Variants in ZNF182 observed in about 807,000 individuals in gnomAD.
ZNF182 encodes the protein zinc finger protein 182, also known as zinc finger protein 21 (KOX 14).
Under a neutral mutation model 28.1 loss-of-function variants are expected in ZNF182, and 10 were observed. The observed-to-expected ratio is 0.36, with a 90% CI of 0.22 to 0.60. The LOEUF (loss-of-function observed/expected upper bound fraction) is 0.60, where lower values mean the gene tolerates loss of function less well. Ranked by LOEUF, ZNF182 falls within the 20% of genes least tolerant of loss-of-function variation. The pLI, the probability that ZNF182 is intolerant of heterozygous loss-of-function variation, is 0.75. For synonymous variants in ZNF182, 156 were observed against 158.7 expected (o/e 0.98, Z 0.13); for missense variants, 352 against 453.2 (o/e 0.78, Z 2.03).
chrX:47,977,134 T>A lies in ZNF182; in HGVS notation c.896A>T (p.Tyr299Phe), dbSNP rs782535951. The A allele has an allele frequency of 3.3e-6, 4 of 1,208,698 alleles. No individual in the cohort carries two copies. In the African/African-American group the frequency reaches 7.0e-5, roughly 21 times the overall value. The change falls in exon 6 of 6, where the codon TAT (tyrosine) becomes TTT (phenylalanine). Residue 299 changes from tyrosine (Y) to phenylalanine (F), a missense_variant. By Grantham distance (22) the Tyr-to-Phe change is conservative (BLOSUM62 3). Coordinates refer to ENST00000376943, the MANE Select transcript of ZNF182 (RefSeq NM_001007088.2). ...HYRTHTGEKP[Y>F]ECNECGKAFT... ...GGCTTTTCCACATTCATTACATTCA[T>A]AAGGTTTTTCTCCTGTGTGAGTCCT...
chrX:47,982,610 C>T (rs1556899259), intron 5 of ZNF182, among the ~76,000 whole-genome samples: 1 of 111,849 alleles, frequency 8.9e-6, no homozygotes, highest in African/African-American at 3.3e-5. Flanking sequence ...AGGCCTGTGA[C>T]TAACGTGGGC....
intron 3 of ZNF182, among the ~76,000 whole-genome samples, chrX:47,993,043 G>C (rs1455470028): frequency 1.8e-5 from 2 of 113,052 alleles, no homozygotes; most frequent in Non-Finnish European, 3.7e-5. Flanking sequence ...TTAAAGCCAA[G>C]CACATTATTA....
intron 3 of ZNF182, chrX:47,988,452 C>T: frequency 2.6e-6 from 1 of 382,234 alleles, no homozygotes; most frequent in South Asian, 6.1e-5. Flanking sequence ...TTTGTTCAGA[C>T]GAGATCCGGT....
chrX:47,977,247 G>A lies in ZNF182; in HGVS notation c.783C>T (p.His261=), dbSNP rs1343120270. 2 of 1,210,168 alleles carry A rather than the reference G, an allele frequency of 1.7e-6. No individual in the cohort carries two copies. Among genetic ancestry groups the A allele is most frequent in the Non-Finnish European group, 1.1e-6 (1 of 895,069 alleles). The change falls in exon 6 of 6, where the codon CAC becomes CAT. Residue 261 remains histidine, a synonymous_variant. Transcript: ENST00000376943. ...AFSQKSQLII[H]LRTHTGERPF... Reference sequence around the variant, plus strand: ...GTCTCTCTCCTGTATGAGTTCGCAAGTGTATAATGAGCTGAGATTTTTGGC... The same window carrying A: ...GTCTCTCTCCTGTATGAGTTCGCAAATGTATAATGAGCTGAGATTTTTGGC...
At chrX:47,993,681 A>C (rs2146469809) in intron 3 of ZNF182, among the ~76,000 whole-genome samples, 1 of 112,514 alleles carries the variant, frequency 8.9e-6, no homozygotes, top group Admixed American at 9.4e-5. Flanking sequence ...AAGAAACAGA[A>C]GTTATAAAAC....
intron 3 of ZNF182, 74 bp from the exon 4 acceptor site, chrX:47,983,485 G>A: frequency 9.4e-7 from 1 of 1,066,819 alleles, no homozygotes; most frequent in Non-Finnish European, 1.3e-6. Context: ...GGGAACTTCT[G>A]ATTGGGTTCC....
intron 5 of ZNF182, among the ~76,000 whole-genome samples, chrX:47,978,614 T>G (rs782466893): frequency 3.6e-5 from 4 of 112,607 alleles, no homozygotes; most frequent in East Asian, 5.6e-4. Flanking sequence ...CTACCTTCTC[T>G]GCTCCTGCCT....
intron 2 of ZNF182, among the ~76,000 whole-genome samples, chrX:48,002,869 T>C (rs2058983203): frequency 8.9e-6 from 1 of 112,506 alleles, no homozygotes; most frequent in African/African-American, 3.2e-5. Context: ...TATTAAATTG[T>C]GTACTGACCC....
intron 3 of ZNF182, among the ~76,000 whole-genome samples, chrX:47,995,963 A>G (rs1268680691): frequency 8.9e-6 from 1 of 112,589 alleles, no homozygotes; most frequent in Non-Finnish European, 1.9e-5. Context: ...AGGAAAACCA[A>G]GACTATGTTG....
chrX:47,991,994 C>G (rs2058943511), intron 3 of ZNF182, among the ~76,000 whole-genome samples: 1 of 111,742 alleles, frequency 8.9e-6, no homozygotes, highest in African/African-American at 3.3e-5. Context: ...GAGCCTGAGA[C>G]TTCCTTCCCC....
chrX:47,977,372 A>G lies in ZNF182; in HGVS notation c.658T>C (p.Cys220Arg). Residue 220 changes from cysteine (C) to arginine (R), a missense_variant, in exon 6 of 6, where the codon TGT (cysteine) becomes CGT (arginine). Cys to Arg is a radical substitution (Grantham distance 180). Coordinates refer to ENST00000376943, the MANE Select transcript of ZNF182 (RefSeq NM_001007088.2). ...GACTTCTTGCTGAAGGTTTTCCTACATGCAGTACATTCAAAGGGTTTCTCT... is the reference window on the plus strand; with the variant it reads ...GACTTCTTGCTGAAGGTTTTCCTACGTGCAGTACATTCAAAGGGTTTCTCT... ...NGEKPFECTA[C>R]RKTFSKKSHL... 3 of 1,207,632 alleles carry G rather than the reference A, an allele frequency of 2.5e-6. No homozygotes were observed. Among genetic ancestry groups the G allele is most frequent in the Non-Finnish European group, 3.4e-6 (3 of 894,057 alleles).
chrX:47,998,732 G>A (rs940999838), intron 3 of ZNF182, among the ~76,000 whole-genome samples: 2 of 110,359 alleles, frequency 1.8e-5, no homozygotes, highest in South Asian at 3.8e-4. Flanking sequence ...GGTGGCGGGC[G>A]CCTGTAATCC....
chrX:47,986,800 T>C (rs1556899858), intron 3 of ZNF182, among the ~76,000 whole-genome samples: 1 of 112,030 alleles, frequency 8.9e-6, no homozygotes, highest in Non-Finnish European at 1.9e-5. Context: ...TAGGAGGAGC[T>C]GGCTTTCTGA....
intron 3 of ZNF182, among the ~76,000 whole-genome samples, chrX:47,988,009 C>T (rs926094844): frequency 9.0e-6 from 1 of 111,282 alleles, no homozygotes; most frequent in Non-Finnish European, 1.9e-5. Context: ...TCTCTCCCTC[C>T]AAATCTTATG....
rs782308176 is a variant in ZNF182 at position 47,976,457 on chromosome X, A to G, written c.1573T>C (p.Cys525Arg). Residue 525 changes from cysteine to arginine, a missense_variant, in exon 6 of 6, where the codon TGT (cysteine) becomes CGT (arginine). Coordinates refer to ENST00000376943, the MANE Select transcript of ZNF182 (RefSeq NM_001007088.2). ...RIHTGEKPYECPVCWKAFSQK... is the reference protein window; with the variant it reads ...RIHTGEKPYERPVCWKAFSQK... ...CTAAAAGCTTTCCAACACACAGGAC[A>G]TTCATAAGGTTTCTCTCCTGTATGA... 3 of 1,210,044 alleles carry G rather than the reference A, an allele frequency of 2.5e-6. No individual in the cohort carries two copies. Among genetic ancestry groups the G allele is most frequent in the Non-Finnish European group, 1.1e-6 (1 of 895,331 alleles).
chrX:47,982,266 C>A (rs1401323700), intron 5 of ZNF182, among the ~76,000 whole-genome samples: 1 of 111,704 alleles, frequency 9.0e-6, no homozygotes, highest in African/African-American at 3.3e-5. Context: ...CCAGAACAGG[C>A]AAAACCATAG....
At chrX:47,979,875 G>C (rs1207428295) in intron 5 of ZNF182, among the ~76,000 whole-genome samples, 1 of 97,762 alleles carries the variant, frequency 1.0e-5, no homozygotes, top group Non-Finnish European at 2.0e-5. Context: ...GGGTGTGTGT[G>C]TGTGTGTGTG....
At chrX:47,999,108 G>GGT (rs1397113242) in intron 3 of ZNF182, among the ~76,000 whole-genome samples, 1 of 111,627 alleles carries the variant, frequency 9.0e-6, no homozygotes, top group Non-Finnish European at 1.9e-5. Context: ...GGCCGGGAGC[G>GGT]GTGGCTCATG....
intron 5 of ZNF182, among the ~76,000 whole-genome samples, chrX:47,979,863 T>TGG (rs1297855802): frequency 8.2e-4 from 57 of 69,525 alleles, no homozygotes; most frequent in Admixed American, 6.4e-3. Flanking sequence ...AAAGTGTGTG[T>TGG]GGGGTGTGTG....
Sources: allele counts gnomAD v4.1 joint callset (sites outside exome capture counted in the v4.1 genomes callset), GRCh38; gene constraint gnomAD v4.1.1; transcripts MANE v1.5; gene names NCBI Gene and HGNC (gene_info 2026-07-23, HGNC 2026-07-21).